Variants in CAB39L observed in about 807,000 individuals in gnomAD.
CAB39L encodes the protein calcium-binding protein 39-like.
CAB39L carries 23 observed loss-of-function variants against 39.1 expected under a neutral mutation model. The observed-to-expected ratio is 0.59, with a 90% CI of 0.42 to 0.83. The LOEUF (loss-of-function observed/expected upper bound fraction) is 0.83. Among genes scored for constraint, CAB39L ranks in the 40% least tolerant of loss-of-function variants. The probability of loss-of-function intolerance (pLI) is 0.00; values close to 1 mark genes in which losing one functional copy is unlikely to be tolerated. For synonymous variants in CAB39L, 126 were observed against 137.2 expected (o/e 0.92, Z 0.57); for missense variants, 366 against 391.9 (o/e 0.93, Z 0.56).
At chr13:49,318,949 C>T (rs1954268825) in intron 10 of CAB39L, among the ~76,000 whole-genome samples, 1 of 151,902 alleles carries the variant, frequency 6.6e-6, no homozygotes, top group South Asian at 2.1e-4. Context: ...ATTATTTGGC[C>T]ATTTAAAAGA....
intron 10 of CAB39L, among the ~76,000 whole-genome samples, chr13:49,326,057 G>A (rs1188075767): frequency 2.6e-5 from 4 of 152,202 alleles, no homozygotes; most frequent in Admixed American, 2.6e-4. Flanking sequence ...ACAGACTAGT[G>A]CCATATTTGG....
intron 3 of CAB39L, among the ~76,000 whole-genome samples, chr13:49,432,849 T>C (rs112473221): frequency 6.6e-6 from 1 of 152,326 alleles, no homozygotes; most frequent in African/African-American, 2.4e-5. Context: ...TGAATATCTT[T>C]GCAAGATGGT....
chr13:49,368,717 T>C (rs1955834373), intron 5 of CAB39L, among the ~76,000 whole-genome samples: 1 of 152,186 alleles, frequency 6.6e-6, no homozygotes, highest in African/African-American at 2.4e-5. Flanking sequence ...AAGTCAGCTT[T>C]AACATGAAAT....
intron 3 of CAB39L, among the ~76,000 whole-genome samples, chr13:49,413,508 A>G (rs1180306655): frequency 1.3e-5 from 2 of 152,232 alleles, no homozygotes; most frequent in Non-Finnish European, 2.9e-5. Context: ...AAAGACTGGA[A>G]TGAAAGTAGA....
At chr13:49,387,218 C>T (rs933333332) in intron 3 of CAB39L, among the ~76,000 whole-genome samples, 3 of 152,110 alleles carry the variant, frequency 2.0e-5, no homozygotes, top group African/African-American at 4.8e-5. Context: ...CTTTAACCCC[C>T]AGTATCCTAT....
intron 1 of CAB39L, among the ~76,000 whole-genome samples, chr13:49,440,975 C>A (rs911356262): frequency 6.6e-6 from 1 of 151,774 alleles, no homozygotes; most frequent in African/African-American, 2.4e-5. Context: ...TATGTGGATG[C>A]CTTTTGTTTC....
intron 1 of CAB39L, among the ~76,000 whole-genome samples, chr13:49,438,334 A>C (rs773146674): frequency 4.6e-5 from 7 of 152,102 alleles, no homozygotes; most frequent in Non-Finnish European, 5.9e-5. Context: ...TGTAATATTT[A>C]TATACTATTC....
intron 1 of CAB39L, among the ~76,000 whole-genome samples, chr13:49,437,998 T>A (rs9568204): frequency 0.091 from 13,739 of 151,786 alleles, 822 homozygotes; most frequent in South Asian, 0.27. Context: ...TTAATTTTTT[T>A]ATTTTTTATT....
intron 4 of CAB39L, among the ~76,000 whole-genome samples, chr13:49,381,822 A>ATTTTTG (rs1395149998): frequency 1.3e-5 from 2 of 152,258 alleles, no homozygotes; most frequent in Non-Finnish European, 2.9e-5. Context: ...TGCTATGAAC[A>ATTTTTG]TTCTTGTACA....
intron 3 of CAB39L, among the ~76,000 whole-genome samples, chr13:49,396,128 G>T (rs1004792638): frequency 1.5e-5 from 2 of 131,654 alleles, no homozygotes; most frequent in Admixed American, 7.4e-5. Flanking sequence ...ATAACATTTT[G>T]AATGTCAAAG....
At chr13:49,364,296 A>G (rs1273919519) in intron 5 of CAB39L, among the ~76,000 whole-genome samples, 5 of 152,242 alleles carry the variant, frequency 3.3e-5, no homozygotes, top group Admixed American at 6.5e-5. Flanking sequence ...TAGCTAGAGC[A>G]ATCAAACAAG....
intron 3 of CAB39L, among the ~76,000 whole-genome samples, chr13:49,422,153 A>G (rs1434640622): frequency 6.6e-6 from 1 of 152,224 alleles, no homozygotes; most frequent in Non-Finnish European, 1.5e-5. Context: ...CTTCAGATTA[A>G]CACTCCACTG....
At chr13:49,312,733 A>G (rs184966316) in intron 10 of CAB39L, among the ~76,000 whole-genome samples, 101 of 152,368 alleles carry the variant, frequency 6.6e-4, no homozygotes, top group Non-Finnish European at 1.2e-3. Context: ...GGAGCTATCT[A>G]TGAACATTTC....
At chr13:49,330,725 G>T (rs1954667265) in intron 10 of CAB39L, among the ~76,000 whole-genome samples, 1 of 149,302 alleles carries the variant, frequency 6.7e-6, no homozygotes, top group South Asian at 2.1e-4. Flanking sequence ...TTAGAAAAAA[G>T]AACCAAAAAA....
chr13:49,344,793 A>C (rs940332376), intron 7 of CAB39L, among the ~76,000 whole-genome samples: 1 of 152,134 alleles, frequency 6.6e-6, no homozygotes, highest in Non-Finnish European at 1.5e-5. Flanking sequence ...AAGTGCCTTA[A>C]CCACTTTTAA....
chr13:49,369,044 A>G (rs1410675863), intron 5 of CAB39L, among the ~76,000 whole-genome samples: 1 of 152,234 alleles, frequency 6.6e-6, no homozygotes, highest in Non-Finnish European at 1.5e-5. Flanking sequence ...TTCATAAAAG[A>G]AGAGATATGG....
chr13:49,325,728 G>A (rs1954478774), intron 10 of CAB39L, among the ~76,000 whole-genome samples: 1 of 152,170 alleles, frequency 6.6e-6, no homozygotes, highest in African/African-American at 2.4e-5. Context: ...GGTGGAGGGT[G>A]CGGTGAGCCG....
intron 3 of CAB39L, among the ~76,000 whole-genome samples, chr13:49,394,863 T>TA (rs1433368463): frequency 8.5e-5 from 13 of 152,308 alleles, no homozygotes; most frequent in Admixed American, 8.5e-4. Context: ...TTTGATGAAA[T>TA]ATGTCTAGGA....
chr13:49,352,765 A>AATAAT, intron 6 of CAB39L, among the ~76,000 whole-genome samples: 1 of 152,170 alleles, frequency 6.6e-6, no homozygotes, highest in Middle Eastern at 3.4e-3. Flanking sequence ...AATAAAATAA[A>AATAAT]ATCTGACCAT....
Sources: allele counts gnomAD v4.1 joint callset (sites outside exome capture counted in the v4.1 genomes callset), GRCh38; gene constraint gnomAD v4.1.1; transcripts MANE v1.5; gene names NCBI Gene and HGNC (gene_info 2026-07-23, HGNC 2026-07-21).